Variants in BCL7B observed in about 807,000 individuals in gnomAD.
The protein encoded by BCL7B is BAF chromatin remodeling complex subunit BCL7B.
BCL7B carries 11 observed loss-of-function variants against 26.5 expected under a neutral mutation model. The ratio of observed to expected loss-of-function variants is 0.42; its 90% CI spans 0.26 to 0.69. The LOEUF (loss-of-function observed/expected upper bound fraction) is 0.69, where lower values mean the gene tolerates loss of function less well. BCL7B is among the 30% of genes least tolerant of loss of function. The probability of loss-of-function intolerance (pLI) is 0.28; values close to 1 mark genes in which losing one functional copy is unlikely to be tolerated. For missense variants in BCL7B, 215 were observed against 264.4 expected (o/e 0.81, Z 1.30); for synonymous variants, 111 against 107.9 (o/e 1.03, Z -0.18).
At position 73,537,436 on chromosome 7, in the gene BCL7B, C is replaced by G. The variant is rs200214637; in HGVS notation, c.517-46G>C. 82 of 1,462,182 alleles carry G rather than the reference C, an allele frequency of 5.6e-5. No individual in the cohort carries two copies. The Admixed American group carries it at 1.4e-3, about 24-fold the overall frequency. 90.6% of individuals were successfully genotyped at this position (1,462,182 alleles called of 1,614,324 possible). ...GAATGCCAGGGCCACCCCTCCCAACCAGAACCTTCCCACCCACCCGAATTA... is the reference window on the plus strand; with the variant it reads ...GAATGCCAGGGCCACCCCTCCCAACGAGAACCTTCCCACCCACCCGAATTA... On this transcript the variant is annotated intron_variant, in intron 5 of 5. Transcript: ENST00000223368.
At chr7:73,543,683 C>A (rs1554583199) in intron 2 of BCL7B, 39 bp from the exon 3 acceptor site, 3 of 1,539,696 alleles carry the variant, frequency 1.9e-6, no homozygotes, top group South Asian at 2.2e-5. Context: ...CAGAGCCAAG[C>A]AGGAGACTCA....
At chr7:73,540,458 G>C (rs1342425693) in intron 3 of BCL7B, 1 of 177,132 alleles carries the variant, frequency 5.6e-6, no homozygotes, top group Admixed American at 5.4e-5. Context: ...CTCAGGCTTC[G>C]GCTGCCGGAC....
chr7:73,538,099 G>T, intron 4 of BCL7B, 86 bp from the exon 5 acceptor site: 1 of 782,050 alleles, frequency 1.3e-6, no homozygotes, highest in South Asian at 2.0e-5. Flanking sequence ...TGTGGAGGTG[G>T]CTTGGTGAGG....
At position 73,543,569 on chromosome 7, in the gene BCL7B, A is replaced by ATTT; in HGVS notation, c.243_244insAAA (p.Ser81_Ser82insLys). 1 of 1,613,822 alleles carries ATTT rather than the reference A, an allele frequency of 6.2e-7. No individual in the cohort carries two copies. The highest frequency in any genetic ancestry group is 2.2e-5 in the East Asian group (1 of 44,866). On this transcript the variant is annotated inframe_insertion, in exon 3 of 6. Transcript: ENST00000223368. ...TCACCCTGGAATTCAAGAAGGAGAG[A>ATTT]GGAATTGGCTGAGGCATCAGAAGGA... is the stretch of plus-strand genomic sequence containing the variant.
rs561632612 is a variant in BCL7B, at chr7:73,539,867, C to T, written c.436+15G>A. 2 of 1,608,938 alleles carry T rather than the reference C, an allele frequency of 1.2e-6. No homozygotes were observed. Among genetic ancestry groups the T allele is most frequent in the South Asian group, 2.2e-5 (2 of 90,976 alleles). On this transcript the variant is annotated intron_variant, in intron 4 of 5. Coordinates refer to ENST00000223368, the MANE Select transcript of BCL7B (RefSeq NM_001707.4). ...GCCCTTCTAGGAAACTCATCCTCGG[C>T]CAACCACGACTCACCCTCCAGGATC...
intron 2 of BCL7B, among the ~76,000 whole-genome samples, chr7:73,545,181 A>G (rs1431581607): frequency 1.3e-5 from 2 of 152,098 alleles, no homozygotes; most frequent in African/African-American, 4.8e-5. Flanking sequence ...TAGATGCATT[A>G]TATTAGTAAC....
At chr7:73,546,667 CA>C (rs1205952479) in intron 2 of BCL7B, among the ~76,000 whole-genome samples, 2,247 of 116,090 alleles carry the variant, frequency 0.019, 50 homozygotes, top group African/African-American at 0.063. Flanking sequence ...GACTCTGTCT[CA>C]AAAAAAAAAA....
At chr7:73,538,038 G>C in intron 4 of BCL7B, 25 bp from the exon 5 acceptor site, 1 of 1,544,528 alleles carries the variant, frequency 6.5e-7, no homozygotes, top group South Asian at 1.2e-5. Flanking sequence ...GGGTCGGCCT[G>C]AGGGCAGGGC....
In BCL7B at chr7:73,557,468, C is replaced by A; in HGVS notation, c.92+19G>T. The stretch of plus-strand genomic sequence containing the variant: ...TGGATCCGCGACCCCCGCCAGCCCC[C>A]TAAGCTCCGGCCCCTCACCATTTCC... On this transcript the variant is annotated intron_variant, in intron 1 of 5. Coordinates refer to ENST00000223368, the MANE Select transcript of BCL7B (RefSeq NM_001707.4). 7.3e-7 allele frequency: 1 copy of A among 1,378,812 alleles called. No individual in the cohort carries two copies. Among genetic ancestry groups the A allele is most frequent in the Non-Finnish European group, 9.5e-7 (1 of 1,053,046 alleles). 85.4% of individuals were successfully genotyped at this position (1,378,812 alleles called of 1,614,324 possible).
chr7:73,552,924 C>G (rs534883825), intron 1 of BCL7B, among the ~76,000 whole-genome samples: 13 of 152,136 alleles, frequency 8.5e-5, no homozygotes, highest in Admixed American at 5.2e-4. Flanking sequence ...CATTCCTTTT[C>G]TTTGTTTGTT....
At chr7:73,555,416 C>T (rs1249859962) in intron 1 of BCL7B, among the ~76,000 whole-genome samples, 4 of 115,478 alleles carry the variant, frequency 3.5e-5, no homozygotes, top group African/African-American at 1.4e-4. Flanking sequence ...AAAAAGAAAT[C>T]AAATATAGGA....
chr7:73,551,582 G>C (rs1173832917), intron 2 of BCL7B, among the ~76,000 whole-genome samples: 1 of 152,060 alleles, frequency 6.6e-6, no homozygotes, highest in Non-Finnish European at 1.5e-5. Context: ...GGGATTACAG[G>C]CGTGAGCCAC....
intron 1 of BCL7B, among the ~76,000 whole-genome samples, chr7:73,554,864 G>A (rs1554584555): frequency 2.0e-5 from 3 of 150,896 alleles, no homozygotes; most frequent in East Asian, 1.9e-4. Flanking sequence ...CAGAAGGAGC[G>A]AATTAAAGTC....
At position 73,548,798 on chromosome 7, in the gene BCL7B, C is replaced by T. The variant is rs931762953; in HGVS notation, c.168+3369G>A. Among the ~76,000 whole-genome samples the T allele has an allele frequency of 3.3e-5, 5 of 151,610 alleles. 1 individual carries two copies. The highest frequency in any genetic ancestry group is 3.3e-4 in the Admixed American group (5 of 15,222). On this transcript the variant is annotated intron_variant, in intron 2 of 5. Coordinates refer to ENST00000223368, the MANE Select transcript of BCL7B (RefSeq NM_001707.4). ...ATACAAAATTAGCCAGATGTGGTGG[C>T]GCATGCCTGTAATCCCAGCTACTTG...
chr7:73,544,904 A>T (rs973619820), intron 2 of BCL7B, among the ~76,000 whole-genome samples: 2 of 151,868 alleles, frequency 1.3e-5, no homozygotes, highest in Admixed American at 1.3e-4. Flanking sequence ...ACAAAAAAAT[A>T]AAAAATGAGC....
chr7:73,538,138 C>G (rs1013038838), intron 4 of BCL7B, 125 bp from the exon 5 acceptor site: 3 of 525,794 alleles, frequency 5.7e-6, no homozygotes, highest in Non-Finnish European at 1.0e-5. Context: ...GAGAAGCAAA[C>G]ATTCATTCAG....
At chr7:73,552,342 T>A in intron 1 of BCL7B, 100 bp from the exon 2 acceptor site, 1 of 983,900 alleles carries the variant, frequency 1.0e-6, no homozygotes, top group Non-Finnish European at 1.6e-6. Context: ...TCCTTCAATC[T>A]GGAATCCTTC....
chr7:73,548,174 A>G (rs1792024596), intron 2 of BCL7B, among the ~76,000 whole-genome samples: 1 of 152,008 alleles, frequency 6.6e-6, no homozygotes, highest in African/African-American at 2.4e-5. Flanking sequence ...TCACGCCTGT[A>G]ATCCCAGCAC....
chr7:73,541,758 C>T (rs543652674), intron 3 of BCL7B, among the ~76,000 whole-genome samples: 17 of 152,284 alleles, frequency 1.1e-4, no homozygotes, highest in Admixed American at 5.2e-4. Flanking sequence ...TGAGCCACCA[C>T]GCCCAGCCAT....
Sources: allele counts gnomAD v4.1 joint callset (sites outside exome capture counted in the v4.1 genomes callset), GRCh38; gene constraint gnomAD v4.1.1; transcripts MANE v1.5; gene names NCBI Gene and HGNC (gene_info 2026-07-23, HGNC 2026-07-21).